The following ZHX3 variants were observed in gnomAD, a reference collection of about 807,000 sequenced individuals.
The protein encoded by ZHX3 is zinc fingers and homeoboxes protein 3.
In ZHX3, 20 loss-of-function variants were observed where a neutral mutation model predicts 64.5. The ratio of observed to expected loss-of-function variants is 0.31; its 90% CI spans 0.22 to 0.45. The LOEUF is 0.45. Ranked by LOEUF, ZHX3 falls within the 20% of genes least tolerant of loss-of-function variation. ZHX3 has a pLI of 1.00. For missense variants in ZHX3, 1,041 were observed against 1,195.8 expected (o/e 0.87, Z 1.91); for synonymous variants, 423 against 461.6 (o/e 0.92, Z 1.07).
chr20:41,196,376 A>G (rs1360324091), intron 3 of ZHX3, among the ~76,000 whole-genome samples: 1 of 74,490 alleles, frequency 1.3e-5, no homozygotes, highest in Non-Finnish European at 2.2e-5. Context: ...ATATATTTAT[A>G]TAACATAAAT....
At chr20:41,296,983 C>G (rs1249950855) in intron 1 of ZHX3, among the ~76,000 whole-genome samples, 1 of 152,154 alleles carries the variant, frequency 6.6e-6, no homozygotes, top group Admixed American at 6.5e-5. Flanking sequence ...CACTATAAAC[C>G]CTGGTTCCTG....
intron 1 of ZHX3, among the ~76,000 whole-genome samples, chr20:41,313,593 CTT>C (rs58599783): frequency 9.5e-4 from 99 of 103,756 alleles, no homozygotes; most frequent in African/African-American, 3.0e-3. Flanking sequence ...ACTTTTAGGC[CTT>C]TTTTTTTTTT....
At chr20:41,221,216 A>G (rs1307876347) in intron 2 of ZHX3, among the ~76,000 whole-genome samples, 1 of 152,176 alleles carries the variant, frequency 6.6e-6, no homozygotes, top group Non-Finnish European at 1.5e-5. Context: ...ATGTAGTCTG[A>G]GCGTATTTAT....
At position 41,226,163 on chromosome 20, in the gene ZHX3, C is replaced by T. The variant is rs1263975013; in HGVS notation, c.-150-21097G>A. Reference sequence around the variant, plus strand: ...CTGTAATCCCAGCACTTTGGGAGGCCGAGGCGGGTGGATCATGAGGTCAGG... The same window carrying T: ...CTGTAATCCCAGCACTTTGGGAGGCTGAGGCGGGTGGATCATGAGGTCAGG... On this transcript the variant is annotated intron_variant, in intron 2 of 3. Coordinates refer to ENST00000683867, the MANE Select transcript of ZHX3 (RefSeq NM_001384317.1). This position sits in a 1 kb window ranked among gnomAD's most constrained non-coding sequence, Gnocchi z 4.4. Among the ~76,000 whole-genome samples, 3 of 151,984 alleles carry T rather than the reference C, an allele frequency of 2.0e-5. No homozygotes were observed. Among genetic ancestry groups the T allele is most frequent in the Non-Finnish European group, 4.4e-5 (3 of 67,998 alleles).
At chr20:41,243,395 T>C (rs1247139395) in intron 2 of ZHX3, among the ~76,000 whole-genome samples, 1 of 152,216 alleles carries the variant, frequency 6.6e-6, no homozygotes, top group African/African-American at 2.4e-5. Context: ...GGGTCACATC[T>C]GGAACCTTGG....
intron 2 of ZHX3, among the ~76,000 whole-genome samples, chr20:41,216,912 G>A (rs1223724664): frequency 6.6e-6 from 1 of 152,110 alleles, no homozygotes; most frequent in Non-Finnish European, 1.5e-5. Context: ...CTAATTACTA[G>A]TATTTGGAAT....
Position 41,201,333 on chromosome 20 carries a change from T to C in ZHX3, c.2860+724A>G, listed in dbSNP as rs894634730. 7.7e-7 allele frequency: 1 copy of C among 1,304,628 alleles called. No individual in the cohort carries two copies. The highest frequency in any genetic ancestry group is 1.0e-6 in the Non-Finnish European group (1 of 989,044). 80.8% of individuals were successfully genotyped at this position (1,304,628 alleles called of 1,614,324 possible). On this transcript the variant is annotated intron_variant, in intron 3 of 3. Coordinates refer to ENST00000683867, the MANE Select transcript of ZHX3 (RefSeq NM_001384317.1). The surrounding 1 kb of genome is among the most constrained non-coding windows in gnomAD (Gnocchi z 5.0). Reference sequence around the variant, plus strand: ...ATGGGGTCTCTAATGAGAACACAAATGTCAAAGGGTAAGGAGGGAAGGGAG... The same window carrying C: ...ATGGGGTCTCTAATGAGAACACAAACGTCAAAGGGTAAGGAGGGAAGGGAG...
chr20:41,196,393 T>TA (rs2037519687), intron 3 of ZHX3, among the ~76,000 whole-genome samples: 7 of 42,716 alleles, frequency 1.6e-4, no homozygotes, highest in African/African-American at 3.3e-4. Flanking sequence ...AAATATATAT[T>TA]TATATATATT....
At chr20:41,266,790 C>T (rs1460664029) in intron 2 of ZHX3, among the ~76,000 whole-genome samples, 5 of 150,952 alleles carry the variant, frequency 3.3e-5, no homozygotes, top group Non-Finnish European at 5.9e-5. Flanking sequence ...CGTGATCTGC[C>T]TGCCTCGGCC....
At chr20:41,285,889 T>C (rs974804219) in intron 1 of ZHX3, among the ~76,000 whole-genome samples, 37 of 152,336 alleles carry the variant, frequency 2.4e-4, no homozygotes, top group East Asian at 1.9e-4. Context: ...AGATGATACA[T>C]ACAAAAGGTT....
At chr20:41,229,045 T>C (rs1177505368) in intron 2 of ZHX3, among the ~76,000 whole-genome samples, 2 of 152,126 alleles carry the variant, frequency 1.3e-5, no homozygotes, top group African/African-American at 4.8e-5. Context: ...ACTGAAACCT[T>C]ACACCCATTA....
intron 1 of ZHX3, among the ~76,000 whole-genome samples, chr20:41,311,553 G>T (rs2045137763): frequency 1.3e-5 from 2 of 152,122 alleles, no homozygotes; most frequent in African/African-American, 4.8e-5. Flanking sequence ...AAAAACAAGA[G>T]AAACCATCAG....
At position 41,235,321 on chromosome 20, in the gene ZHX3, A is replaced by C. The variant is rs533760646; in HGVS notation, c.-150-30255T>G. 3.9e-5 allele frequency among the ~76,000 whole-genome samples: 6 copies of C among 152,358 alleles called. No homozygotes were observed. The South Asian group carries it at 1.0e-3, about 26-fold the overall frequency. On this transcript the variant is annotated intron_variant, in intron 2 of 3. Transcript: ENST00000683867. ...AAGCCTGGCAGAGACACAATAAAAA[A>C]AGAGAATTTTAGACCAATATCCCTG...
At position 41,204,151 on chromosome 20, in the gene ZHX3, G is replaced by A. The variant is rs536942136; in HGVS notation, c.766C>T (p.Pro256Ser). Residue 256 changes from proline (P) to serine (S), a missense_variant, in exon 3 of 4, where the codon CCC (proline) becomes TCC (serine). By Grantham distance (74) the Pro-to-Ser change is moderately conservative. Transcript: ENST00000683867. The surrounding 1 kb of genome is among the most constrained non-coding windows in gnomAD (Gnocchi z 6.6). ...SAKNPHAANGPLIGTVPVLPA... is the reference protein window; with the variant it reads ...SAKNPHAANGSLIGTVPVLPA... ...AAAACTGGCACTGTTCCTATCAGGGGCCCGTTGGCGGCATGGGGGTTTTTT... is the reference window on the plus strand; with the variant it reads ...AAAACTGGCACTGTTCCTATCAGGGACCCGTTGGCGGCATGGGGGTTTTTT... 2.5e-6 allele frequency: 4 copies of A among 1,607,216 alleles called. No homozygotes were observed. Among genetic ancestry groups the A allele is most frequent in the Admixed American group, 3.4e-5 (2 of 59,508 alleles).
intron 2 of ZHX3, among the ~76,000 whole-genome samples, chr20:41,216,971 C>T (rs1364172076): frequency 2.6e-5 from 4 of 152,090 alleles, no homozygotes; most frequent in East Asian, 3.9e-4. Flanking sequence ...ATGTCATTGA[C>T]GATTTTGTAT....
In ZHX3 at chr20:41,316,692, A is replaced by G. The variant is rs766973563; in HGVS notation, c.-245+817T>C. Among the ~76,000 whole-genome samples the G allele has an allele frequency of 5.2e-4, 79 of 152,348 alleles. 1 individual carries two copies. In the Middle Eastern group the frequency reaches 0.01, roughly 20 times the overall value. ...TAAGTTTCTCGCAGGGCACAAGCCCAGGGCAATCACTGCTCAGAAATGTAA... is the reference window on the plus strand; with the variant it reads ...TAAGTTTCTCGCAGGGCACAAGCCCGGGGCAATCACTGCTCAGAAATGTAA... On this transcript the variant is annotated intron_variant, in intron 1 of 3. Coordinates refer to ENST00000683867, the MANE Select transcript of ZHX3 (RefSeq NM_001384317.1).
chr20:41,209,126 A>G (rs1355175401), intron 2 of ZHX3, among the ~76,000 whole-genome samples: 1 of 152,194 alleles, frequency 6.6e-6, no homozygotes, highest in Non-Finnish European at 1.5e-5. Flanking sequence ...TAGGAATCCA[A>G]CTTACAAGGG....
intron 2 of ZHX3, among the ~76,000 whole-genome samples, chr20:41,216,800 CTG>C (rs935038678): frequency 2.0e-4 from 30 of 152,268 alleles, no homozygotes; most frequent in African/African-American, 5.8e-4. Flanking sequence ...TTCAAGTAAA[CTG>C]TACTGATTTT....
intron 3 of ZHX3, among the ~76,000 whole-genome samples, chr20:41,186,418 G>A (rs950369323): frequency 1.3e-5 from 2 of 152,072 alleles, no homozygotes; most frequent in Admixed American, 6.6e-5. Context: ...ACTTGTTTCC[G>A]CCTTTTGGCT....
Sources: gnomAD v4.1 joint callset for allele counts (sites outside exome capture counted in the v4.1 genomes callset) on GRCh38, gnomAD v4.1.1 for gene constraint, Gnocchi (gnomAD v3.1) non-coding constraint, MANE v1.5 for transcripts, NCBI Gene and HGNC (gene_info 2026-07-23, HGNC 2026-07-21) for gene names.